Variants in NRXN3 observed in about 807,000 individuals in gnomAD.
The protein encoded by NRXN3 is neurexin III.
Under a neutral mutation model 137.6 loss-of-function variants are expected in NRXN3, and 32 were observed. The ratio of observed to expected loss-of-function variants is 0.23; its 90% CI spans 0.18 to 0.31. The LOEUF (loss-of-function observed/expected upper bound fraction) is 0.31, where lower values mean the gene tolerates loss of function less well. Ranked by LOEUF, NRXN3 falls within the 10% of genes least tolerant of loss-of-function variation. The probability of loss-of-function intolerance (pLI) is 1.00; values close to 1 mark genes in which losing one functional copy is unlikely to be tolerated. For synonymous variants in NRXN3, 798 were observed against 784.5 expected, an observed-to-expected ratio of 1.02 and a Z score of -0.29; for missense variants, 1,574 against 2,062.5, an observed-to-expected ratio of 0.76 and a Z score of 4.59.
intron 4 of NRXN3, among the ~76,000 whole-genome samples, chr14:78,301,889 C>T (rs775860103): frequency 1.3e-5 from 2 of 152,154 alleles, no homozygotes; most frequent in African/African-American, 4.8e-5. Context: ...TATGCTAATC[C>T]CAGGTGGCTT....
chr14:79,014,905 C>A (rs988900028), intron 15 of NRXN3, among the ~76,000 whole-genome samples: 1 of 152,056 alleles, frequency 6.6e-6, no homozygotes, highest in Non-Finnish European at 1.5e-5. Flanking sequence ...CATTTAAGTT[C>A]GCTTTTCCAG....
intron 16 of NRXN3, among the ~76,000 whole-genome samples, chr14:79,503,842 C>T (rs191242976): frequency 3.3e-5 from 5 of 152,326 alleles, no homozygotes; most frequent in Admixed American, 1.3e-4. Flanking sequence ...TCTCAAGGAG[C>T]TTGTGCTCTC....
chr14:79,489,425 A>G lies in NRXN3; in HGVS notation c.3444+22023A>G, dbSNP rs537847771. 3.9e-5 allele frequency among the ~76,000 whole-genome samples: 6 copies of G among 152,220 alleles called. No individual in the cohort carries two copies. The East Asian group carries it at 1.2e-3, about 30-fold the overall frequency. On this transcript the variant is annotated intron_variant, in intron 16 of 20. Transcript: ENST00000335750. ...TCCAGTCGGGTGGGCCTCAAGGCAC[A>G]CCTTGCTCCTGACTGAGAAGGAAAA...
At chr14:78,379,436 G>A (rs1167513058) in intron 4 of NRXN3, among the ~76,000 whole-genome samples, 2 of 152,186 alleles carry the variant, frequency 1.3e-5, no homozygotes, top group Non-Finnish European at 2.9e-5. Context: ...GTAGAAGGGT[G>A]CAGGGAATGC....
In NRXN3 at chr14:78,810,023, GAA is replaced by G. The variant is rs5809907; in HGVS notation, c.2249-284_2249-283del. ...TTTATATAAAAGAATAGCTTTTTTT[GAA>G]AAAAAAAAAATGTTTGGTGTCTACT... On this transcript the variant is annotated intron_variant, in intron 9 of 20. Transcript: ENST00000335750. Among the ~76,000 whole-genome samples the G allele has an allele frequency of 9.9e-3, 1,468 of 147,724 alleles. 14 individuals carry two copies. Among genetic ancestry groups the G allele is most frequent in the African/African-American group, 0.016 (658 of 40,094 alleles).
At chr14:79,051,886 C>T (rs1015198195) in intron 15 of NRXN3, among the ~76,000 whole-genome samples, 2 of 152,162 alleles carry the variant, frequency 1.3e-5, no homozygotes, top group African/African-American at 4.8e-5. Context: ...TTTTCCATCT[C>T]CCCTGGCTAA....
At chr14:78,761,507 C>T (rs1407175504) in intron 8 of NRXN3, among the ~76,000 whole-genome samples, 1 of 152,204 alleles carries the variant, frequency 6.6e-6, no homozygotes, top group Non-Finnish European at 1.5e-5. Context: ...AACTCAATGA[C>T]ATTTTCATTC....
At chr14:79,334,274 G>A (rs2092059663) in intron 15 of NRXN3, among the ~76,000 whole-genome samples, 1 of 152,332 alleles carries the variant, frequency 6.6e-6, no homozygotes, top group Non-Finnish European at 1.5e-5. Flanking sequence ...AAAAAATAAA[G>A]TAGAATGAGG....
intron 8 of NRXN3, among the ~76,000 whole-genome samples, chr14:78,778,774 TTCTTTCTTTCTTTC>T: frequency 1.1e-5 from 1 of 94,728 alleles, no homozygotes; most frequent in Admixed American, 9.8e-5. Context: ...CTTTCTTTCT[TTCTTTCTTTCTTTC>T]TTTCTTTCTT....
intron 10 of NRXN3, among the ~76,000 whole-genome samples, chr14:78,904,947 ATCT>A (rs1218351300): frequency 1.3e-5 from 2 of 151,946 alleles, no homozygotes; most frequent in East Asian, 3.9e-4. Flanking sequence ...GTTCCAGCTA[ATCT>A]TCTGACTCCA....
intron 8 of NRXN3, among the ~76,000 whole-genome samples, chr14:78,726,014 T>C (rs2098481579): frequency 6.6e-6 from 1 of 152,150 alleles, no homozygotes; most frequent in Admixed American, 6.5e-5. Flanking sequence ...GATCTCTGGG[T>C]CTTCCACTCC....
chr14:78,653,963 A>T (rs1265073252), intron 6 of NRXN3, among the ~76,000 whole-genome samples: 1 of 152,230 alleles, frequency 6.6e-6, no homozygotes, highest in African/African-American at 2.4e-5. Flanking sequence ...CGGAAATGAT[A>T]GGCAAAGCTA....
chr14:78,269,555 A>G (rs991738285), intron 2 of NRXN3, among the ~76,000 whole-genome samples: 36 of 152,198 alleles, frequency 2.4e-4, no homozygotes, highest in African/African-American at 8.2e-4. Context: ...ACTTAATACT[A>G]CTGAACTGTA....
At chr14:79,696,593 GA>G (rs1004201208) in intron 18 of NRXN3, among the ~76,000 whole-genome samples, 7 of 151,822 alleles carry the variant, frequency 4.6e-5, no homozygotes, top group Non-Finnish European at 8.8e-5. Flanking sequence ...GTTTGCTTGG[GA>G]AAAAAATCTC....
chr14:78,405,946 C>G (rs1396769378), intron 4 of NRXN3, among the ~76,000 whole-genome samples: 1 of 152,148 alleles, frequency 6.6e-6, no homozygotes, highest in Non-Finnish European at 1.5e-5. Context: ...ATAATTTTAT[C>G]CTATTCACAA....
chr14:79,742,551 A>G (rs1397195054), intron 19 of NRXN3, among the ~76,000 whole-genome samples: 1 of 152,182 alleles, frequency 6.6e-6, no homozygotes, highest in Non-Finnish European at 1.5e-5. Context: ...ATTTCTAAAT[A>G]AAAGTAGAAG....
chr14:78,630,593 CTTTCTTTTTTTT>C (rs1386999855), intron 4 of NRXN3, among the ~76,000 whole-genome samples: 2 of 125,302 alleles, frequency 1.6e-5, no homozygotes, highest in African/African-American at 3.3e-5. Context: ...TTCTTTCTTT[CTTTCTTTTTTTT>C]TTTTTTTTGT....
At chr14:78,306,649 A>G (rs1265204529) in intron 4 of NRXN3, among the ~76,000 whole-genome samples, 2 of 152,158 alleles carry the variant, frequency 1.3e-5, no homozygotes, top group African/African-American at 2.4e-5. Context: ...GTACATATTA[A>G]TAGGCTTATA....
chr14:78,916,821 C>G (rs1444793697), intron 10 of NRXN3, among the ~76,000 whole-genome samples: 1 of 152,114 alleles, frequency 6.6e-6, no homozygotes, highest in Non-Finnish European at 1.5e-5. Flanking sequence ...AAATCAAGGT[C>G]CTGGCTGAGT....
Sources: gnomAD v4.1 joint callset for allele counts (sites outside exome capture counted in the v4.1 genomes callset) on GRCh38, gnomAD v4.1.1 for gene constraint, MANE v1.5 for transcripts, NCBI Gene and HGNC (gene_info 2026-07-23, HGNC 2026-07-21) for gene names.